The following CLIC4 variants were observed in gnomAD, a reference collection of about 807,000 sequenced individuals.
CLIC4 encodes chloride intracellular channel protein 4.
CLIC4 carries 13 observed loss-of-function variants against 24.6 expected under a neutral mutation model. The ratio of observed to expected loss-of-function variants is 0.53; its 90% CI spans 0.34 to 0.84. The LOEUF (loss-of-function observed/expected upper bound fraction) is 0.84. CLIC4 is among the 40% of genes least tolerant of loss of function. The probability of loss-of-function intolerance (pLI) is 0.01; values close to 1 mark genes in which losing one functional copy is unlikely to be tolerated. For synonymous variants in CLIC4, 104 were observed against 111.3 expected, an observed-to-expected ratio of 0.93 and a Z score of 0.41; for missense variants, 227 against 301.7, an observed-to-expected ratio of 0.75 and a Z score of 1.83.
At chr1:24,816,815 C>G (rs1337009366) in intron 3 of CLIC4, among the ~76,000 whole-genome samples, 4 of 152,004 alleles carry the variant, frequency 2.6e-5, no homozygotes, top group African/African-American at 4.8e-5. Flanking sequence ...ATCTTTTTTT[C>G]CTGGGCAGTG....
In CLIC4 at chr1:24,832,322, G is replaced by A. The variant is rs1174809689; in HGVS notation, c.415+5206G>A. Among the ~76,000 whole-genome samples the A allele has an allele frequency of 3.0e-4, 3 of 9,866 alleles. 1 individual carries two copies. The highest frequency in any genetic ancestry group is 3.3e-4 in the African/African-American group (3 of 9,210). The allele number at this position is 9,866 out of a possible 152,430, so 6.5% of individuals were successfully genotyped here. A position where few individuals can be genotyped will look rare whatever the true frequency, so the allele number is the denominator to read the frequency against. On this transcript the variant is annotated intron_variant, in intron 4 of 5. Transcript: ENST00000374379. Reference sequence around the variant, plus strand: ...TATTGATCATTCTTGGGTGTTTCTCGCAGAGGGGGATTTGGCAGGGTCATA... The same window carrying A: ...TATTGATCATTCTTGGGTGTTTCTCACAGAGGGGGATTTGGCAGGGTCATA...
rs1639816871 is a variant in CLIC4, at chr1:24,829,256, C to G, written c.415+2140C>G. 3.9e-5 allele frequency among the ~76,000 whole-genome samples: 6 copies of G among 152,064 alleles called. No homozygotes were observed. In the South Asian group the frequency reaches 1.2e-3, roughly 32 times the overall value. ...TTTTAAGACCTTTTAGGACTTAATT[C>G]TAAGTAAGGGATTCAATGCCTGAAT... On this transcript the variant is annotated intron_variant, in intron 4 of 5. Transcript: ENST00000374379.
At chr1:24,794,710 C>T (rs1166128251) in intron 1 of CLIC4, among the ~76,000 whole-genome samples, 5 of 152,146 alleles carry the variant, frequency 3.3e-5, no homozygotes, top group Non-Finnish European at 1.5e-5. Flanking sequence ...TAATTAGATC[C>T]TGTTTGTCAA....
At chr1:24,776,218 A>C (rs1327613301) in intron 1 of CLIC4, among the ~76,000 whole-genome samples, 1 of 152,010 alleles carries the variant, frequency 6.6e-6, no homozygotes, top group Non-Finnish European at 1.5e-5. Flanking sequence ...TTTTCTTTGC[A>C]GTGGTGATGG....
intron 1 of CLIC4, among the ~76,000 whole-genome samples, chr1:24,793,996 G>A (rs979653715): frequency 4.6e-5 from 7 of 152,172 alleles, no homozygotes; most frequent in Admixed American, 2.0e-4. Context: ...ATAGTCAACA[G>A]GCTGTGTTGA....
At chr1:24,770,726 C>G (rs1571235567) in intron 1 of CLIC4, among the ~76,000 whole-genome samples, 1 of 24,574 alleles carries the variant, frequency 4.1e-5, no homozygotes. Flanking sequence ...CACACCAATT[C>G]TTCTTCTTTT....
chr1:24,765,470 A>G (rs1274401032), intron 1 of CLIC4, among the ~76,000 whole-genome samples: 3 of 152,240 alleles, frequency 2.0e-5, no homozygotes, highest in African/African-American at 7.2e-5. Context: ...AGGGTGATGC[A>G]AATGACTGGG....
At chr1:24,766,338 G>A (rs1171114381) in intron 1 of CLIC4, among the ~76,000 whole-genome samples, 5 of 151,448 alleles carry the variant, frequency 3.3e-5, no homozygotes, top group African/African-American at 1.2e-4. Context: ...CACCATGTTG[G>A]CGAGGCTGAT....
chr1:24,746,759 A>G (rs1436354535), intron 1 of CLIC4, among the ~76,000 whole-genome samples: 1 of 152,212 alleles, frequency 6.6e-6, no homozygotes, highest in African/African-American at 2.4e-5. Context: ...CTGTAATCGC[A>G]GCACTTTCGG....
At chr1:24,811,697 C>T (rs964944170) in intron 2 of CLIC4, among the ~76,000 whole-genome samples, 3 of 152,050 alleles carry the variant, frequency 2.0e-5, no homozygotes, top group Non-Finnish European at 2.9e-5. Flanking sequence ...GCTGGTCTCG[C>T]TTGAACTCCT....
At chr1:24,784,698 C>A (rs1260407900) in intron 1 of CLIC4, among the ~76,000 whole-genome samples, 1 of 152,196 alleles carries the variant, frequency 6.6e-6, no homozygotes. Flanking sequence ...GCAGTATCCT[C>A]TGCTTAGCTG....
intron 1 of CLIC4, among the ~76,000 whole-genome samples, chr1:24,766,736 C>A (rs1336769574): frequency 6.6e-6 from 1 of 150,418 alleles, no homozygotes; most frequent in Non-Finnish European, 1.5e-5. Context: ...GAACTCCTGG[C>A]GTGAAGTGAT....
At chr1:24,790,893 G>T (rs949866093) in intron 1 of CLIC4, among the ~76,000 whole-genome samples, 1 of 152,162 alleles carries the variant, frequency 6.6e-6, no homozygotes, top group Non-Finnish European at 1.5e-5. Flanking sequence ...TATGGGCCGG[G>T]CGTGGTGGCT....
At chr1:24,785,854 C>CAAAAAAAAAAAAAAAAA (rs61009244) in intron 1 of CLIC4, among the ~76,000 whole-genome samples, 1 of 58,848 alleles carries the variant, frequency 1.7e-5, no homozygotes, top group Non-Finnish European at 2.9e-5. Flanking sequence ...GACTACAACT[C>CAAAAAAAAAAAAAAAAA]AAAAAAAAAA....
At chr1:24,774,520 G>A (rs577357044) in intron 1 of CLIC4, among the ~76,000 whole-genome samples, 3 of 152,214 alleles carry the variant, frequency 2.0e-5, no homozygotes, top group Non-Finnish European at 2.9e-5. Context: ...TTGACTGGGC[G>A]TGGTGGCTCA....
chr1:24,822,670 G>T (rs1639747526), intron 3 of CLIC4, among the ~76,000 whole-genome samples: 1 of 152,140 alleles, frequency 6.6e-6, no homozygotes, highest in South Asian at 2.1e-4. Flanking sequence ...GAAAAAGCAG[G>T]TGAATCTTAA....
At chr1:24,817,787 A>G (rs1183548383) in intron 3 of CLIC4, among the ~76,000 whole-genome samples, 2 of 152,290 alleles carry the variant, frequency 1.3e-5, no homozygotes, top group African/African-American at 4.8e-5. Context: ...TTAAAGTGAG[A>G]GATATGTGAC....
intron 1 of CLIC4, among the ~76,000 whole-genome samples, chr1:24,747,533 CA>C (rs35626709): frequency 1.5e-3 from 135 of 92,672 alleles, no homozygotes; most frequent in Middle Eastern, 6.7e-3. Flanking sequence ...GACTCCATCT[CA>C]AAAAAAAAAA....
At chr1:24,820,073 A>ATG in intron 3 of CLIC4, among the ~76,000 whole-genome samples, 1 of 39,382 alleles carries the variant, frequency 2.5e-5, no homozygotes, top group South Asian at 1.3e-3. Context: ...GTATGTATAT[A>ATG]TATATGTATA....
Sources: allele counts gnomAD v4.1 joint callset (sites outside exome capture counted in the v4.1 genomes callset), GRCh38; gene constraint gnomAD v4.1.1; transcripts MANE v1.5; gene names NCBI Gene and HGNC (gene_info 2026-07-23, HGNC 2026-07-21).